ITGB8: variants seen among roughly 807,000 people sequenced by gnomAD.
The protein encoded by ITGB8 is integrin subunit beta 8.
Under a neutral mutation model 89.5 loss-of-function variants are expected in ITGB8, and 30 were observed. That is an observed-to-expected ratio of 0.34 (90% confidence interval 0.25 to 0.45). ITGB8 has a LOEUF of 0.45. Ranked by LOEUF, ITGB8 falls within the 20% of genes least tolerant of loss-of-function variation. The probability of loss-of-function intolerance (pLI) is 1.00; values close to 1 mark genes in which losing one functional copy is unlikely to be tolerated. For synonymous variants in ITGB8, 335 were observed against 320.4 expected (o/e 1.05, Z -0.49); for missense variants, 836 against 933.3 (o/e 0.90, Z 1.36).
intron 1 of ITGB8, among the ~76,000 whole-genome samples, chr7:20,360,362 AC>A (rs1785452944): frequency 8.6e-5 from 1 of 11,586 alleles, no homozygotes; most frequent in Non-Finnish European, 2.0e-4. Flanking sequence ...TTTTTTTTTT[AC>A]TTGAGTAGCG....
chr7:20,332,382 T>C (rs2128123237), intron 1 of ITGB8, among the ~76,000 whole-genome samples: 1 of 152,310 alleles, frequency 6.6e-6, no homozygotes, highest in African/African-American at 2.4e-5. Flanking sequence ...TCTTCAATTT[T>C]TGAGTCCAGA....
chr7:20,351,953 C>G (rs1305193578), intron 1 of ITGB8, among the ~76,000 whole-genome samples: 1 of 152,068 alleles, frequency 6.6e-6, no homozygotes, highest in African/African-American at 2.4e-5. Flanking sequence ...GGAAGAGCCC[C>G]TGGAACTCTA....
chr7:20,367,006 A>T lies in ITGB8; in HGVS notation c.214-6A>T. ...AAACATCAGTGATTTTCTTTCTTTTAAACAGGATTTCATTTCAGGTGGATC... is the reference window on the plus strand; with the variant it reads ...AAACATCAGTGATTTTCTTTCTTTTTAACAGGATTTCATTTCAGGTGGATC... On this transcript the variant is annotated splice_region_variant and splice_polypyrimidine_tract_variant and intron_variant, in intron 2 of 13. Transcript: ENST00000222573. The T allele has an allele frequency of 1.3e-6, 2 of 1,598,460 alleles. No individual in the cohort carries two copies. Among genetic ancestry groups the T allele is most frequent in the Non-Finnish European group, 1.7e-6 (2 of 1,172,862 alleles).
rs77906187 is a variant in ITGB8 at position 20,363,210 on chromosome 7, T to C, written c.128-427T>C. On this transcript the variant is annotated intron_variant, in intron 1 of 13. Transcript: ENST00000222573. Reference sequence around the variant, plus strand: ...TTTAATGTGAATTTATATGTTGAGATTTATGTCTATAAACAATAATTTTTG... The same window carrying C: ...TTTAATGTGAATTTATATGTTGAGACTTATGTCTATAAACAATAATTTTTG... Among the ~76,000 whole-genome samples, 901 of 152,324 alleles carry C rather than the reference T, an allele frequency of 5.9e-3. 16 individuals carry two copies. Among genetic ancestry groups the C allele is most frequent in the African/African-American group, 0.021 (856 of 41,572 alleles).
chr7:20,386,905 C>G (rs538999028), intron 6 of ITGB8, among the ~76,000 whole-genome samples: 1 of 152,172 alleles, frequency 6.6e-6, no homozygotes, highest in African/African-American at 2.4e-5. Context: ...GAAAAACTTA[C>G]AAAAATCAAT....
rs1787200840 is a variant in ITGB8, at chr7:20,399,012, T to C, written c.1281+18T>C. On this transcript the variant is annotated intron_variant, in intron 9 of 13. Transcript: ENST00000222573. ...ATGATGAAGTATGTGGGTGTGCATT[T>C]TTCCCTTTTAAAATAAACTAAGTTG... The C allele has an allele frequency of 1.9e-6, 3 of 1,598,958 alleles. No individual in the cohort carries two copies. Among genetic ancestry groups the C allele is most frequent in the South Asian group, 2.3e-5 (2 of 87,338 alleles).
chr7:20,331,899 G>C lies in ITGB8; in HGVS notation c.93G>C (p.Trp31Cys). ...CCGCCTCGTTCCTCTGGGCAGCCTG[G>C]GTGTTTTCACTTGTTCTTGGACTGG... ...RGPASFLWAA[W>C]VFSLVLGLGQ... Residue 31 changes from tryptophan to cysteine, a missense_variant, in exon 1 of 14, where the codon TGG becomes TGC. Around this residue, in one of 5 missense-constraint regions of ITGB8, gnomAD observed 182 missense variants for 177.0 expected, o/e 1.03. Coordinates refer to ENST00000222573, the MANE Select transcript of ITGB8 (RefSeq NM_002214.3). 6.2e-7 allele frequency: 1 copy of C among 1,614,170 alleles called. No individual in the cohort carries two copies. The highest frequency in any genetic ancestry group is 8.5e-7 in the Non-Finnish European group (1 of 1,180,048).
Position 20,406,310 on chromosome 7 carries a change from G to C in ITGB8, c.2023+139G>C, listed in dbSNP as rs1198380767. 5.0e-6 allele frequency: 3 copies of C among 594,244 alleles called. No homozygotes were observed. In the Admixed American group the frequency reaches 8.0e-5, roughly 16 times the overall value. 36.8% of individuals were successfully genotyped at this position (594,244 alleles called of 1,614,324 possible). A position where few individuals can be genotyped will look rare whatever the true frequency, so the allele number is the denominator to read the frequency against. On this transcript the variant is annotated intron_variant, in intron 12 of 13. Coordinates refer to ENST00000222573, the MANE Select transcript of ITGB8 (RefSeq NM_002214.3). ...TCACACCTGTAATCCCAGCATTTTG[G>C]GAGGCCAAGGCGGGTGGATCACCTG...
chr7:20,410,231 C>G lies in ITGB8; in HGVS notation c.*234C>G, dbSNP rs1787712257. Reference sequence around the variant, plus strand: ...GTTTGAGACTAGTGTCGTTGTAGCACTTTACTGTAATATATAACTTATTTA... The same window carrying G: ...GTTTGAGACTAGTGTCGTTGTAGCAGTTTACTGTAATATATAACTTATTTA... On this transcript the variant is annotated 3_prime_UTR_variant, in exon 14 of 14. Transcript: ENST00000222573. 1 of 475,642 alleles carries G rather than the reference C, an allele frequency of 2.1e-6. No homozygotes were observed. Among genetic ancestry groups the G allele is most frequent in the Admixed American group, 3.7e-5 (1 of 27,036 alleles). The allele number at this position is 475,642 out of a possible 1,614,324, so 29.5% of individuals were successfully genotyped here.
At chr7:20,358,285 G>T (rs959764401) in intron 1 of ITGB8, among the ~76,000 whole-genome samples, 1 of 152,078 alleles carries the variant, frequency 6.6e-6, no homozygotes, top group African/African-American at 2.4e-5. Context: ...TTCTCTAGAT[G>T]GGAGATAGCA....
chr7:20,391,153 TTG>T (rs1562691907), intron 6 of ITGB8, among the ~76,000 whole-genome samples: 2 of 152,052 alleles, frequency 1.3e-5, no homozygotes, highest in African/African-American at 2.4e-5. Context: ...TGTTCACTCT[TTG>T]TTAGTTAGTT....
At chr7:20,389,486 G>A (rs1786767482) in intron 6 of ITGB8, among the ~76,000 whole-genome samples, 1 of 152,170 alleles carries the variant, frequency 6.6e-6, no homozygotes, top group Non-Finnish European at 1.5e-5. Flanking sequence ...AAGAGATTAA[G>A]AAGTCTTCAA....
At chr7:20,369,614 T>C (rs1250768572) in intron 3 of ITGB8, among the ~76,000 whole-genome samples, 2 of 152,182 alleles carry the variant, frequency 1.3e-5, no homozygotes, top group Non-Finnish European at 2.9e-5. Flanking sequence ...CTCCAACATA[T>C]GAATTTTTCG....
chr7:20,353,519 T>C (rs13247636), intron 1 of ITGB8, among the ~76,000 whole-genome samples: 34,716 of 152,094 alleles, frequency 0.23, 4,991 homozygotes, highest in Non-Finnish European at 0.32. Context: ...AATTTGGTGA[T>C]CTTGTACCTG....
rs1216185478 is a variant in ITGB8, at chr7:20,380,706, C to A, written c.676C>A (p.His226Asn). The change falls in exon 5 of 14, where the codon CAT (histidine) becomes AAT (asparagine). Residue 226 changes from histidine to asparagine, a missense_variant. His to Asn is a moderately conservative substitution (Grantham distance 68, BLOSUM62 1). Coordinates refer to ENST00000222573, the MANE Select transcript of ITGB8 (RefSeq NM_002214.3). ...CTGCATGCCTCCCCATGGATACATC[C>A]ATGTGCTGTCTTTGACAGAGAACAT... ...LDCMPPHGYIHVLSLTENITE... is the reference protein window; with the variant it reads ...LDCMPPHGYINVLSLTENITE... The A allele has an allele frequency of 2.2e-5, 36 of 1,613,260 alleles. No individual in the cohort carries two copies. The highest frequency in any genetic ancestry group is 3.0e-5 in the Non-Finnish European group (35 of 1,179,306).
intron 9 of ITGB8, among the ~76,000 whole-genome samples, chr7:20,400,630 G>A (rs1249657242): frequency 6.6e-6 from 1 of 152,256 alleles, no homozygotes; most frequent in African/African-American, 2.4e-5. Flanking sequence ...ATGGTAAGGT[G>A]AGCCAACAAA....
At chr7:20,381,505 C>T in intron 5 of ITGB8, 2 of 428,294 alleles carry the variant, frequency 4.7e-6, no homozygotes, top group Non-Finnish European at 8.3e-6. Flanking sequence ...CAGTGGAACA[C>T]TAGAAATCTC....
rs1786347129 is a variant in ITGB8 at position 20,380,774 on chromosome 7, A to G, written c.744A>G (p.Gly248=). 6.2e-6 allele frequency: 10 copies of G among 1,613,758 alleles called. 1 individual carries two copies. In the Middle Eastern group the frequency reaches 1.2e-3, roughly 186 times the overall value. Residue 248 remains glycine, a synonymous_variant, in exon 5 of 14, where the codon GGA becomes GGG. Coordinates refer to ENST00000222573, the MANE Select transcript of ITGB8 (RefSeq NM_002214.3). ...EKAVHRQKIS[G]NIDTPEGGFD... ...CAGTTCATAGACAGAAGATCTCTGG[A>G]AACATAGATACACCAGAAGGAGGTT...
At chr7:20,375,739 T>C (rs1042080932) in intron 3 of ITGB8, among the ~76,000 whole-genome samples, 6 of 152,208 alleles carry the variant, frequency 3.9e-5, no homozygotes, top group Non-Finnish European at 5.9e-5. Context: ...TAATATTCAA[T>C]ACAAATATTA....
Sources: gnomAD v4.1 joint callset for allele counts (sites outside exome capture counted in the v4.1 genomes callset) on GRCh38, gnomAD v4.1.1 for gene constraint, gnomAD v4.1.1 regional missense constraint, MANE v1.5 for transcripts, NCBI Gene and HGNC (gene_info 2026-07-23, HGNC 2026-07-21) for gene names.